The following RASGRF2 variants were observed in gnomAD, a reference collection of about 807,000 sequenced individuals.
RASGRF2 encodes the protein ras-specific guanine nucleotide-releasing factor 2.
RASGRF2 carries 76 observed loss-of-function variants against 151.0 expected under a neutral mutation model. The observed-to-expected ratio is 0.50, with a 90% confidence interval of 0.42 to 0.61. The LOEUF is 0.61. RASGRF2 is among the 20% of genes least tolerant of loss of function. The pLI is 0.00. For missense variants in RASGRF2, 1,148 were observed against 1,564.6 expected, an observed-to-expected ratio of 0.73 and a Z score of 4.49; for synonymous variants, 504 against 566.5, an observed-to-expected ratio of 0.89 and a Z score of 1.57.
rs573004658 is a variant in RASGRF2, at chr5:81,046,075, CT to C, written c.395+3098del. Among the ~76,000 whole-genome samples the C allele has an allele frequency of 1.3e-3, 191 of 152,046 alleles. 1 individual carries two copies. Among genetic ancestry groups the C allele is most frequent in the African/African-American group, 4.4e-3 (183 of 41,490 alleles). ...CTCAATATTTATGGTTTTATTGATCCTTTTTTAAAAAATCAAAACTTTTGAT... is the reference window on the plus strand; with the variant it reads ...CTCAATATTTATGGTTTTATTGATCCTTTTTAAAAAATCAAAACTTTTGAT... On this transcript the variant is annotated intron_variant, in intron 2 of 26. Coordinates refer to ENST00000265080, the MANE Select transcript of RASGRF2 (RefSeq NM_006909.3).
chr5:81,174,515 C>T (rs997866738), intron 17 of RASGRF2, among the ~76,000 whole-genome samples: 4 of 152,136 alleles, frequency 2.6e-5, no homozygotes, highest in African/African-American at 4.8e-5. Context: ...GAGTGTTTGG[C>T]GACAGAGCAA....
chr5:81,040,761 A>G (rs890820347), intron 1 of RASGRF2, among the ~76,000 whole-genome samples: 2 of 152,010 alleles, frequency 1.3e-5, no homozygotes, highest in Non-Finnish European at 2.9e-5. Context: ...AGCTTGATGT[A>G]TGTTTCACCC....
rs532952263 is a variant in RASGRF2 at position 81,090,034 on chromosome 5, G to T, written c.1391-2767G>T. ...TTGTGGAAATGTAAGTCAGGAAAAT[G>T]AAATATAGGTGACTGAATACAGGAC... is the stretch of plus-strand genomic sequence containing the variant. On this transcript the variant is annotated intron_variant, in intron 9 of 26. Coordinates refer to ENST00000265080, the MANE Select transcript of RASGRF2 (RefSeq NM_006909.3). Among the ~76,000 whole-genome samples the T allele has an allele frequency of 2.0e-5, 3 of 152,288 alleles. No homozygotes were observed. In the East Asian group the frequency reaches 5.8e-4, roughly 29 times the overall value.
chr5:81,118,418 G>GGA (rs1256955102), intron 15 of RASGRF2, among the ~76,000 whole-genome samples: 1 of 152,190 alleles, frequency 6.6e-6, no homozygotes, highest in Non-Finnish European at 1.5e-5. Flanking sequence ...AGGAATGTGG[G>GGA]GAGCAGCCCT....
At chr5:81,095,776 TTATA>T (rs1260355890) in intron 12 of RASGRF2, among the ~76,000 whole-genome samples, 1 of 152,166 alleles carries the variant, frequency 6.6e-6, no homozygotes, top group Non-Finnish European at 1.5e-5. Context: ...TTATAGTAAT[TTATA>T]TATAAGACAA....
intron 17 of RASGRF2, among the ~76,000 whole-genome samples, chr5:81,138,766 G>GT (rs70994422): frequency 0.12 from 18,594 of 148,990 alleles, 2,299 homozygotes; most frequent in African/African-American, 0.32. Flanking sequence ...GGATGTGCTT[G>GT]TTTTTTTTTT....
At chr5:81,114,061 T>C in intron 15 of RASGRF2, 141 bp downstream of exon 15, 1 of 1,165,716 alleles carries the variant, frequency 8.6e-7, no homozygotes, top group Non-Finnish European at 1.2e-6. Context: ...CAATGGTTAG[T>C]TAGAAGAGAA....
rs1023096524 is a variant in RASGRF2, at chr5:81,228,948, C to T, written c.*3178C>T. Reference sequence around the variant, plus strand: ...AATGAAACTCAGAGAAACTGAATCACCTGGAAGAGAAAAATCCATTATGGT... The same window carrying T: ...AATGAAACTCAGAGAAACTGAATCATCTGGAAGAGAAAAATCCATTATGGT... On this transcript the variant is annotated 3_prime_UTR_variant, in exon 27 of 27. Transcript: ENST00000265080. 1 of 152,118 alleles carries T rather than the reference C, an allele frequency of 6.6e-6. No individual in the cohort carries two copies. The highest frequency in any genetic ancestry group is 1.5e-5 in the Non-Finnish European group (1 of 68,034). The allele number at this position is 152,118 out of a possible 1,614,324, so 9.4% of individuals were successfully genotyped here. A position where few individuals can be genotyped will look rare whatever the true frequency, so the allele number is the denominator to read the frequency against.
intron 1 of RASGRF2, among the ~76,000 whole-genome samples, chr5:81,026,540 C>T (rs778279539): frequency 2.4e-4 from 36 of 152,116 alleles, no homozygotes; most frequent in South Asian, 4.2e-4. Flanking sequence ...TCCCAATGCA[C>T]GTACAAACAG....
intron 15 of RASGRF2, among the ~76,000 whole-genome samples, chr5:81,115,193 A>G (rs1580329848): frequency 6.6e-6 from 1 of 152,200 alleles, no homozygotes; most frequent in Non-Finnish European, 1.5e-5. Context: ...CTTCTAGCTC[A>G]GATCATTTAA....
intron 2 of RASGRF2, among the ~76,000 whole-genome samples, chr5:81,067,718 A>G (rs1422252223): frequency 6.6e-6 from 1 of 152,218 alleles, no homozygotes; most frequent in East Asian, 1.9e-4. Context: ...TTTTTTTGTT[A>G]AAGAAGACAC....
intron 15 of RASGRF2, among the ~76,000 whole-genome samples, chr5:81,121,407 A>G (rs1476804276): frequency 6.6e-6 from 1 of 152,146 alleles, no homozygotes; most frequent in Non-Finnish European, 1.5e-5. Flanking sequence ...ACTGCCATCC[A>G]GCTATTCATT....
chr5:81,066,497 TCCCTGAAC>T (rs1407287691), intron 2 of RASGRF2, among the ~76,000 whole-genome samples: 1 of 152,142 alleles, frequency 6.6e-6, no homozygotes, highest in African/African-American at 2.4e-5. Flanking sequence ...CTGCAGTATC[TCCCTGAAC>T]CCCAGCCTAA....
At chr5:81,044,068 C>A (rs1300857993) in intron 2 of RASGRF2, among the ~76,000 whole-genome samples, 1 of 152,138 alleles carries the variant, frequency 6.6e-6, no homozygotes, top group South Asian at 2.1e-4. Flanking sequence ...CTGAGTGAAG[C>A]GCATTGCTAA....
intron 1 of RASGRF2, among the ~76,000 whole-genome samples, chr5:80,976,835 T>C (rs530351609): frequency 6.6e-6 from 1 of 152,320 alleles, no homozygotes; most frequent in African/African-American, 2.4e-5. Flanking sequence ...TGATTTATGC[T>C]ACCACTTTCT....
In RASGRF2 at chr5:81,180,849, A is replaced by G. The variant is rs148987903; in HGVS notation, c.2793+568A>G. Among the ~76,000 whole-genome samples the G allele has an allele frequency of 4.2e-3, 645 of 152,098 alleles. 6 individuals carry two copies. Among genetic ancestry groups the G allele is most frequent in the Non-Finnish European group, 5.3e-3 (358 of 67,986 alleles). Reference sequence around the variant, plus strand: ...ATTGTGTTACACTGACAGGACACCCACTTGTTATCTGTTTATGTGTTTTCA... The same window carrying G: ...ATTGTGTTACACTGACAGGACACCCGCTTGTTATCTGTTTATGTGTTTTCA... On this transcript the variant is annotated intron_variant, in intron 18 of 26. Coordinates refer to ENST00000265080, the MANE Select transcript of RASGRF2 (RefSeq NM_006909.3).
chr5:81,108,875 TGTGTGTAAGAGACAGG>T, intron 12 of RASGRF2, 105 bp from the exon 13 acceptor site: 3 of 1,046,812 alleles, frequency 2.9e-6, no homozygotes, highest in Non-Finnish European at 2.6e-6. Flanking sequence ...TGTGTGTGTG[TGTGTGTAAGAGACAGG>T]GAGAGAGAAA....
At chr5:80,991,514 A>G (rs771048092) in intron 1 of RASGRF2, among the ~76,000 whole-genome samples, 2 of 152,128 alleles carry the variant, frequency 1.3e-5, no homozygotes, top group Non-Finnish European at 2.9e-5. Context: ...GCCTTTTCTC[A>G]CTCAACAGGA....
At chr5:80,981,942 A>G (rs1748315469) in intron 1 of RASGRF2, among the ~76,000 whole-genome samples, 1 of 152,242 alleles carries the variant, frequency 6.6e-6, no homozygotes, top group Non-Finnish European at 1.5e-5. Context: ...ACCTTTAAAG[A>G]AAAATTTTGT....
Sources: gnomAD v4.1 joint callset for allele counts (sites outside exome capture counted in the v4.1 genomes callset) on GRCh38, gnomAD v4.1.1 for gene constraint, MANE v1.5 for transcripts, NCBI Gene and HGNC (gene_info 2026-07-23, HGNC 2026-07-21) for gene names.